Variants in DPYD observed in about 807,000 individuals in gnomAD.
DPYD encodes the protein dihydropyrimidine dehydrogenase [NADP(+)].
A neutral mutation model predicts 116.2 loss-of-function variants in DPYD; 109 were observed. The observed-to-expected ratio is 0.94, with a 90% CI of 0.80 to 1.10. The LOEUF (loss-of-function observed/expected upper bound fraction) is 1.10, where lower values mean the gene tolerates loss of function less well. Ranked by LOEUF, DPYD falls within the 50% of genes least tolerant of loss-of-function variation. The pLI is 0.00. For missense variants in DPYD, 1,302 were observed against 1,254.5 expected (o/e 1.04, Z -0.57); for synonymous variants, 440 against 432.0 (o/e 1.02, Z -0.23).
chr1:97,706,898 T>G (rs1359109986), intron 5 of DPYD, among the ~76,000 whole-genome samples: 2 of 152,114 alleles, frequency 1.3e-5, no homozygotes, highest in African/African-American at 4.8e-5. Context: ...AGAGTATGTT[T>G]AATTTTGCAA....
At chr1:97,585,205 A>C (rs954403996) in intron 10 of DPYD, among the ~76,000 whole-genome samples, 7 of 152,166 alleles carry the variant, frequency 4.6e-5, no homozygotes, top group Non-Finnish European at 1.0e-4. Flanking sequence ...TCAATCCAAT[A>C]AAGAAGCTTG....
intron 20 of DPYD, among the ~76,000 whole-genome samples, chr1:97,102,118 T>C (rs1650736708): frequency 6.6e-6 from 1 of 151,942 alleles, no homozygotes; most frequent in Non-Finnish European, 1.5e-5. Flanking sequence ...CTAAAGTTAA[T>C]TGAGCATATT....
chr1:97,139,974 C>T (rs935001398), intron 20 of DPYD, among the ~76,000 whole-genome samples: 1 of 152,024 alleles, frequency 6.6e-6, no homozygotes, highest in Non-Finnish European at 1.5e-5. Context: ...ACAGAAGACA[C>T]TCTAAATACA....
At chr1:97,820,292 C>T (rs1234691444) in intron 3 of DPYD, among the ~76,000 whole-genome samples, 3 of 152,154 alleles carry the variant, frequency 2.0e-5, no homozygotes, top group Non-Finnish European at 4.4e-5. Context: ...TAGGCTAATA[C>T]ACACAGACGG....
chr1:97,864,784 A>T (rs1485787005), intron 2 of DPYD, among the ~76,000 whole-genome samples: 1 of 151,918 alleles, frequency 6.6e-6, no homozygotes, highest in Non-Finnish European at 1.5e-5. Context: ...AGTAACAAAG[A>T]GGTCATTTGA....
chr1:97,700,244 T>C (rs775905062), intron 5 of DPYD: 170 of 455,908 alleles, frequency 3.7e-4, no homozygotes, highest in Non-Finnish European at 5.4e-4. Context: ...AAAAGAGATG[T>C]TGGCAGTCTT....
chr1:97,517,401 C>G (rs2101980795), intron 12 of DPYD, among the ~76,000 whole-genome samples: 1 of 152,130 alleles, frequency 6.6e-6, no homozygotes, highest in Non-Finnish European at 1.5e-5. Context: ...TCTGTCCACG[C>G]ATGGATGTTA....
chr1:97,749,043 A>T (rs1664717511), intron 3 of DPYD, among the ~76,000 whole-genome samples: 1 of 152,204 alleles, frequency 6.6e-6, no homozygotes, highest in African/African-American at 2.4e-5. Context: ...ATGTGACAAA[A>T]GACGCTTTCC....
At position 97,561,652 on chromosome 1, in the gene DPYD, T is replaced by C. The variant is rs141281701; in HGVS notation, c.1340-11908A>G. The stretch of plus-strand genomic sequence containing the variant: ...CTCTTTAGATTTCCAGTACCACAAT[T>C]CTGGAATAAAATTCACATAGTTAAA... On this transcript the variant is annotated intron_variant, in intron 11 of 22. Coordinates refer to ENST00000370192, the MANE Select transcript of DPYD (RefSeq NM_000110.4). 5.9e-5 allele frequency among the ~76,000 whole-genome samples: 9 copies of C among 152,318 alleles called. No individual in the cohort carries two copies. In the East Asian group the frequency reaches 1.5e-3, roughly 26 times the overall value.
Position 97,746,950 on chromosome 1 carries a change from T to G in DPYD, c.234-6471A>C, listed in dbSNP as rs181228450. 3.9e-5 allele frequency among the ~76,000 whole-genome samples: 6 copies of G among 151,916 alleles called. No individual in the cohort carries two copies. The East Asian group carries it at 7.7e-4, about 20-fold the overall frequency. The stretch of plus-strand genomic sequence containing the variant: ...TGTTGTTAGTGGTGTGTGTTTTTTT[T>G]TTGTTGCTAAACGAATGTACTGATA... On this transcript the variant is annotated intron_variant, in intron 3 of 22. Transcript: ENST00000370192.
At chr1:97,574,489 AT>A (rs1293203877) in intron 10 of DPYD, among the ~76,000 whole-genome samples, 1 of 152,142 alleles carries the variant, frequency 6.6e-6, no homozygotes, top group Non-Finnish European at 1.5e-5. Flanking sequence ...AATAAAAAAC[AT>A]TTTTTCTTCC....
intron 13 of DPYD, among the ~76,000 whole-genome samples, chr1:97,502,194 T>C (rs778336933): frequency 1.3e-5 from 2 of 152,156 alleles, no homozygotes; most frequent in African/African-American, 4.8e-5. Context: ...CACTCCTTCA[T>C]AGTTTAATTG....
chr1:97,582,144 A>C (rs1345993141), intron 10 of DPYD, among the ~76,000 whole-genome samples: 1 of 152,226 alleles, frequency 6.6e-6, no homozygotes, highest in Non-Finnish European at 1.5e-5. Context: ...TTACATAACT[A>C]TCTGAGTATA....
intron 7 of DPYD, among the ~76,000 whole-genome samples, chr1:97,686,569 G>A (rs187785463): frequency 0.078 from 11,447 of 146,208 alleles, 558 homozygotes; most frequent in Middle Eastern, 0.12. Context: ...CCTGGGAGGC[G>A]GAGCTTGCAG....
chr1:97,389,683 CTAAT>C (rs1038983599), intron 14 of DPYD, among the ~76,000 whole-genome samples: 1 of 151,936 alleles, frequency 6.6e-6, no homozygotes, highest in Non-Finnish European at 1.5e-5. Context: ...TTCATTTTGA[CTAAT>C]TAATACAACT....
At chr1:97,372,458 T>C (rs1671356320) in intron 16 of DPYD, among the ~76,000 whole-genome samples, 1 of 152,172 alleles carries the variant, frequency 6.6e-6, no homozygotes, top group Non-Finnish European at 1.5e-5. Context: ...GGTTCTGTTA[T>C]CATATATCAT....
chr1:97,295,678 G>A (rs1014797756), intron 18 of DPYD: 24 of 768,610 alleles, frequency 3.1e-5, no homozygotes, highest in South Asian at 1.8e-4. Context: ...CAATCTGCCC[G>A]CCGCAGCTTC....
chr1:97,557,449 G>A lies in DPYD; in HGVS notation c.1340-7705C>T, dbSNP rs571290782. 1.5e-4 allele frequency among the ~76,000 whole-genome samples: 22 copies of A among 151,330 alleles called. No homozygotes were observed. In the East Asian group the frequency reaches 4.1e-3, roughly 28 times the overall value. ...TCGTGCTTCAGCCTCCCAAGTAGCT[G>A]GGATTACAGGCGCTTGTCACCACGC... On this transcript the variant is annotated intron_variant, in intron 11 of 22. Transcript: ENST00000370192.
intron 11 of DPYD, among the ~76,000 whole-genome samples, chr1:97,563,517 C>T (rs1172384776): frequency 6.6e-6 from 1 of 152,170 alleles, no homozygotes; most frequent in Non-Finnish European, 1.5e-5. Context: ...CACTGCTCTA[C>T]TTCTTGTATG....
Sources: allele counts gnomAD v4.1 joint callset (sites outside exome capture counted in the v4.1 genomes callset), GRCh38; gene constraint gnomAD v4.1.1; transcripts MANE v1.5; gene names NCBI Gene and HGNC (gene_info 2026-07-23, HGNC 2026-07-21).